NPAS3: variants seen among roughly 807,000 people sequenced by gnomAD.
NPAS3 encodes neuronal PAS domain-containing protein 3.
A neutral mutation model predicts 73.1 loss-of-function variants in NPAS3; 14 were observed. The ratio of observed to expected loss-of-function variants is 0.19; its 90% CI spans 0.13 to 0.30. NPAS3 has a LOEUF of 0.30. Ranked by LOEUF, NPAS3 falls within the 10% of genes least tolerant of loss-of-function variation. The pLI is 1.00. For synonymous variants in NPAS3, 620 were observed against 541.5 expected, an observed-to-expected ratio of 1.14 and a Z score of -2.01; for missense variants, 1,096 against 1,250.0, an observed-to-expected ratio of 0.88 and a Z score of 1.86.
chr14:33,713,577 T>C (rs1467678891), intron 6 of NPAS3, among the ~76,000 whole-genome samples: 1 of 152,208 alleles, frequency 6.6e-6, no homozygotes, highest in Non-Finnish European at 1.5e-5. Context: ...CCACATTCAG[T>C]CCACAAGCAT....
At chr14:33,672,173 C>G (rs1595405172) in intron 5 of NPAS3, among the ~76,000 whole-genome samples, 1 of 152,166 alleles carries the variant, frequency 6.6e-6, no homozygotes, top group South Asian at 2.1e-4. Context: ...ACACTATTCT[C>G]TTAAAGAGTT....
At chr14:33,582,116 A>G (rs2056689111) in intron 5 of NPAS3, 1 of 152,240 alleles carries the variant, frequency 6.6e-6, no homozygotes, top group Non-Finnish European at 1.5e-5. Flanking sequence ...AAAGGACAAC[A>G]TATTTTAAGG....
chr14:33,097,000 C>T (rs2042438783), intron 2 of NPAS3, among the ~76,000 whole-genome samples: 1 of 152,182 alleles, frequency 6.6e-6, no homozygotes, highest in Non-Finnish European at 1.5e-5. Context: ...ATAGCCAGCA[C>T]CTTAATCAAG....
At position 33,308,527 on chromosome 14, in the gene NPAS3, T is replaced by TATACACACACACACACAC; in HGVS notation, c.386-58658_386-58657insTACACACACACACACACA. Among the ~76,000 whole-genome samples, 561 of 103,690 alleles carry TATACACACACACACACAC rather than the reference T, an allele frequency of 5.4e-3. 15 individuals are homozygous for TATACACACACACACACAC. Among genetic ancestry groups the TATACACACACACACACAC allele is most frequent in the Admixed American group, 0.02 (210 of 10,528 alleles). The allele number at this position is 103,690 out of a possible 152,430, so 68.0% of individuals were successfully genotyped here. A position where few individuals can be genotyped will look rare whatever the true frequency, so the allele number is the denominator to read the frequency against. On this transcript the variant is annotated intron_variant, in intron 3 of 11. Coordinates refer to ENST00000356141, the Ensembl canonical transcript of NPAS3. ...TGCATAGTTTATATATATATATATA[T>TATACACACACACACACAC]ACATACACACACACACACACACACA...
intron 5 of NPAS3, among the ~76,000 whole-genome samples, chr14:33,642,017 A>ATGAT (rs1427802325): frequency 6.6e-6 from 1 of 152,178 alleles, no homozygotes; most frequent in Non-Finnish European, 1.5e-5. Flanking sequence ...TTTATGGTGT[A>ATGAT]TGATTGTGTC....
chr14:33,792,788 TAG>T (rs767744278), intron 9 of NPAS3, among the ~76,000 whole-genome samples: 5 of 152,180 alleles, frequency 3.3e-5, no homozygotes, highest in Non-Finnish European at 7.3e-5. Context: ...TTACAGCAGT[TAG>T]AGGTTTTTCA....
At chr14:33,373,077 A>G (rs938892033) in intron 4 of NPAS3, among the ~76,000 whole-genome samples, 3 of 152,238 alleles carry the variant, frequency 2.0e-5, no homozygotes, top group African/African-American at 7.2e-5. Flanking sequence ...ACAAAATGGT[A>G]GCAAATACTG....
At chr14:33,324,641 A>T (rs764794147) in intron 3 of NPAS3, among the ~76,000 whole-genome samples, 2 of 152,202 alleles carry the variant, frequency 1.3e-5, no homozygotes, top group Non-Finnish European at 2.9e-5. Context: ...AGAAAATAAT[A>T]GAGATTTCTG....
intron 2 of NPAS3, among the ~76,000 whole-genome samples, chr14:33,104,776 A>G (rs1051673558): frequency 6.6e-6 from 1 of 152,186 alleles, no homozygotes; most frequent in Non-Finnish European, 1.5e-5. Flanking sequence ...CAGTGACTCA[A>G]TTCTAGTGGC....
chr14:33,108,588 T>A (rs1230456964), intron 2 of NPAS3, among the ~76,000 whole-genome samples: 3 of 152,284 alleles, frequency 2.0e-5, no homozygotes, highest in Middle Eastern at 3.4e-3. Flanking sequence ...CATTTTAGAA[T>A]CTGCTGTGAC....
intron 1 of NPAS3, among the ~76,000 whole-genome samples, chr14:33,012,078 G>A (rs1385656858): frequency 4.2e-5 from 2 of 47,364 alleles, no homozygotes; most frequent in East Asian, 1.3e-3. Flanking sequence ...GCCTGGGGCT[G>A]TGCCTGCCTT....
chr14:33,320,130 A>T (rs2043375701), intron 3 of NPAS3, among the ~76,000 whole-genome samples: 1 of 152,150 alleles, frequency 6.6e-6, no homozygotes, highest in Non-Finnish European at 1.5e-5. Flanking sequence ...AGCACTTTGC[A>T]GAAAGGGAAT....
chr14:32,947,701 A>G (rs953573525), intron 1 of NPAS3, among the ~76,000 whole-genome samples: 2 of 152,148 alleles, frequency 1.3e-5, no homozygotes, highest in African/African-American at 4.8e-5. Flanking sequence ...CTTGAACATT[A>G]TAAATGTCTT....
At chr14:33,353,252 A>G (rs906083644) in intron 3 of NPAS3, among the ~76,000 whole-genome samples, 7 of 152,168 alleles carry the variant, frequency 4.6e-5, no homozygotes, top group Non-Finnish European at 7.3e-5. Flanking sequence ...AAATTCATTA[A>G]ATAATGCATT....
At chr14:33,351,273 C>T (rs183572741) in intron 3 of NPAS3, among the ~76,000 whole-genome samples, 1 of 152,152 alleles carries the variant, frequency 6.6e-6, no homozygotes, top group African/African-American at 2.4e-5. Context: ...CCGTGCAGCA[C>T]CACACCTGCT....
intron 4 of NPAS3, among the ~76,000 whole-genome samples, chr14:33,370,456 C>T (rs183295239): frequency 3.3e-5 from 5 of 152,176 alleles, no homozygotes; most frequent in African/African-American, 9.6e-5. Context: ...GGCTGCTTCA[C>T]ATATGCAGTG....
intron 1 of NPAS3, among the ~76,000 whole-genome samples, chr14:33,026,046 C>T (rs749310131): frequency 2.0e-5 from 3 of 152,094 alleles, no homozygotes; most frequent in African/African-American, 4.8e-5. Flanking sequence ...AGGCCTTCAC[C>T]GCCAATAGCA....
At chr14:33,763,454 TAC>T (rs1456873606) in intron 7 of NPAS3, among the ~76,000 whole-genome samples, 1 of 152,160 alleles carries the variant, frequency 6.6e-6, no homozygotes, top group African/African-American at 2.4e-5. Context: ...GATAGAAAGT[TAC>T]AGAGGCTTAG....
chr14:33,016,271 C>T (rs1451574024), intron 1 of NPAS3, among the ~76,000 whole-genome samples: 2 of 152,198 alleles, frequency 1.3e-5, no homozygotes, highest in East Asian at 1.9e-4. Context: ...AAAATTTTTG[C>T]CCCGCTTAAT....
Sources: allele counts gnomAD v4.1 joint callset (sites outside exome capture counted in the v4.1 genomes callset), GRCh38; gene constraint gnomAD v4.1.1; transcripts MANE v1.5; gene names NCBI Gene and HGNC (gene_info 2026-07-23, HGNC 2026-07-21).